Variants in PXDNL observed in about 807,000 individuals in gnomAD.
PXDNL encodes the protein peroxidasin like.
Under a neutral mutation model 150.8 loss-of-function variants are expected in PXDNL, and 145 were observed. The ratio of observed to expected loss-of-function variants is 0.96; its 90% CI spans 0.84 to 1.10. The LOEUF (loss-of-function observed/expected upper bound fraction) is 1.10. Ranked by LOEUF, PXDNL falls within the 50% of genes least tolerant of loss-of-function variation. The pLI is 0.00. For missense variants in PXDNL, 2,087 were observed against 1,873.9 expected (o/e 1.11, Z -2.10); for synonymous variants, 757 against 725.7 (o/e 1.04, Z -0.69).
At chr8:51,574,697 T>A (rs1813013137) in intron 3 of PXDNL, among the ~76,000 whole-genome samples, 1 of 151,908 alleles carries the variant, frequency 6.6e-6, no homozygotes. Context: ...GCTCAAAGAA[T>A]CATAGGTATG....
At chr8:51,436,104 T>G (rs1419054779) in intron 12 of PXDNL, 1 of 514,638 alleles carries the variant, frequency 1.9e-6, no homozygotes, top group Non-Finnish European at 3.9e-6. Flanking sequence ...GCCCCTTTTG[T>G]CTTGACCCAG....
intron 1 of PXDNL, among the ~76,000 whole-genome samples, chr8:51,783,705 G>A (rs2037435915): frequency 6.6e-6 from 1 of 152,172 alleles, no homozygotes; most frequent in Admixed American, 6.5e-5. Flanking sequence ...GGGGAAAGGT[G>A]ATCTCTAAGC....
chr8:51,747,571 C>G (rs1347141964), intron 1 of PXDNL, among the ~76,000 whole-genome samples: 1 of 152,182 alleles, frequency 6.6e-6, no homozygotes, highest in African/African-American at 2.4e-5. Context: ...AAGGAGCGGT[C>G]CAAGTTGATG....
chr8:51,484,867 C>A (rs1305327570), intron 5 of PXDNL, among the ~76,000 whole-genome samples: 1 of 152,176 alleles, frequency 6.6e-6, no homozygotes. Context: ...ATTGTCTAGT[C>A]ACCAGGACTA....
intron 17 of PXDNL, among the ~76,000 whole-genome samples, chr8:51,387,445 G>T (rs1266454031): frequency 6.6e-6 from 1 of 152,162 alleles, no homozygotes; most frequent in Non-Finnish European, 1.5e-5. Context: ...ATGTCTAGAA[G>T]AAGTCAGAGA....
chr8:51,690,893 T>C (rs1457289378), intron 1 of PXDNL, among the ~76,000 whole-genome samples: 2 of 152,248 alleles, frequency 1.3e-5, no homozygotes, highest in African/African-American at 2.4e-5. Context: ...CTCATTGTGG[T>C]TTTGATTTGC....
intron 3 of PXDNL, among the ~76,000 whole-genome samples, chr8:51,588,686 T>A (rs1234304801): frequency 2.6e-5 from 4 of 152,206 alleles, no homozygotes; most frequent in Admixed American, 6.5e-5. Context: ...TGAAAAGCCA[T>A]AAAGGTTCTT....
chr8:51,740,221 T>A (rs2036889369), intron 1 of PXDNL, among the ~76,000 whole-genome samples: 1 of 152,248 alleles, frequency 6.6e-6, no homozygotes, highest in Non-Finnish European at 1.5e-5. Context: ...TTTACTGTGT[T>A]AATGTGATTG....
chr8:51,785,831 G>T (rs2037456109), intron 1 of PXDNL, among the ~76,000 whole-genome samples: 1 of 152,206 alleles, frequency 6.6e-6, no homozygotes. Context: ...GGGAAAAGAA[G>T]AGTGGCAAGT....
intron 3 of PXDNL, among the ~76,000 whole-genome samples, chr8:51,559,443 G>A (rs907256119): frequency 1.3e-5 from 2 of 149,050 alleles, no homozygotes; most frequent in African/African-American, 2.4e-5. Context: ...ATGGTATTCA[G>A]CTAAATTCAA....
intron 4 of PXDNL, among the ~76,000 whole-genome samples, chr8:51,550,169 G>A (rs1168022065): frequency 6.6e-6 from 1 of 152,030 alleles, no homozygotes; most frequent in Non-Finnish European, 1.5e-5. Flanking sequence ...ATAACAAGTA[G>A]TGAGATTGAA....
chr8:51,363,207 C>T lies in PXDNL; in HGVS notation c.3901+8666G>A, dbSNP rs78224848. On this transcript the variant is annotated intron_variant, in intron 19 of 22. Transcript: ENST00000356297. ...CAGGCATGGAAATTCAGGACTTAGA[C>T]AAGCACTGCCCTTCATAGTCCTCCT... is the stretch of plus-strand genomic sequence containing the variant. 4.8e-3 allele frequency among the ~76,000 whole-genome samples: 734 copies of T among 152,278 alleles called. 6 individuals carry two copies. Among genetic ancestry groups the T allele is most frequent in the African/African-American group, 0.017 (695 of 41,540 alleles).
intron 1 of PXDNL, among the ~76,000 whole-genome samples, chr8:51,678,828 T>C (rs1289662692): frequency 6.6e-6 from 1 of 152,138 alleles, no homozygotes; most frequent in Non-Finnish European, 1.5e-5. Context: ...GTAACTAACC[T>C]GCACATTGTG....
At chr8:51,421,403 C>T (rs901712441) in intron 14 of PXDNL, among the ~76,000 whole-genome samples, 1 of 151,974 alleles carries the variant, frequency 6.6e-6, no homozygotes, top group Non-Finnish European at 1.5e-5. Flanking sequence ...GATTTTGTAA[C>T]GTTAAGAAAC....
chr8:51,512,227 C>G (rs1174404581), intron 4 of PXDNL, among the ~76,000 whole-genome samples: 2 of 152,086 alleles, frequency 1.3e-5, no homozygotes, highest in African/African-American at 2.4e-5. Context: ...GAAAAGAGAG[C>G]AACAAAGTTA....
At chr8:51,621,375 A>G (rs1162247960) in intron 2 of PXDNL, among the ~76,000 whole-genome samples, 1 of 152,144 alleles carries the variant, frequency 6.6e-6, no homozygotes, top group African/African-American at 2.4e-5. Flanking sequence ...TGTTGGTATA[A>G]TTAAAATATT....
chr8:51,478,966 A>C (rs1416100106), intron 6 of PXDNL, among the ~76,000 whole-genome samples: 1 of 152,208 alleles, frequency 6.6e-6, no homozygotes, highest in Non-Finnish European at 1.5e-5. Context: ...TTGTCAAAAT[A>C]ACAAACCAAA....
chr8:51,378,944 A>G (rs955358191), intron 17 of PXDNL, among the ~76,000 whole-genome samples: 4 of 152,208 alleles, frequency 2.6e-5, no homozygotes, highest in Non-Finnish European at 4.4e-5. Context: ...TCTTGAAGTC[A>G]GTGAGACCAA....
chr8:51,617,527 GC>G (rs1814155591), intron 2 of PXDNL, among the ~76,000 whole-genome samples: 1 of 152,128 alleles, frequency 6.6e-6, no homozygotes, highest in African/African-American at 2.4e-5. Context: ...TTTCACATGC[GC>G]CACATAGAGG....
Sources: gnomAD v4.1 joint callset for allele counts (sites outside exome capture counted in the v4.1 genomes callset) on GRCh38, gnomAD v4.1.1 for gene constraint, MANE v1.5 for transcripts, NCBI Gene and HGNC (gene_info 2026-07-23, HGNC 2026-07-21) for gene names.